RPS6KC1: variants seen among roughly 807,000 people sequenced by gnomAD.
The protein encoded by RPS6KC1 is inactive ribosomal protein S6 kinase delta-1.
In RPS6KC1, 54 loss-of-function variants were observed where a neutral mutation model predicts 103.8. The observed-to-expected ratio is 0.52, with a 90% CI of 0.42 to 0.65. The LOEUF (loss-of-function observed/expected upper bound fraction) is 0.65. Among genes scored for constraint, RPS6KC1 ranks in the 30% least tolerant of loss-of-function variants. The pLI is 0.00. For missense variants in RPS6KC1, 1,151 were observed against 1,253.8 expected (o/e 0.92, Z 1.24); for synonymous variants, 439 against 438.7 (o/e 1.00, Z -0.01).
chr1:213,591,766 G>A, the RPS6KC1 span, among the ~76,000 whole-genome samples: 4 of 152,208 alleles, frequency 2.6e-5, no homozygotes, highest in African/African-American at 9.6e-5. Flanking sequence ...GGTCTAGGGA[G>A]AGGGAGAAGT....
the RPS6KC1 span, among the ~76,000 whole-genome samples, chr1:213,701,050 T>G: frequency 6.6e-6 from 1 of 152,088 alleles, no homozygotes; most frequent in South Asian, 2.1e-4. Context: ...CCTTATTTCA[T>G]TCTCTTGTCT....
At chr1:213,521,687 A>G in the RPS6KC1 span, among the ~76,000 whole-genome samples, 9 of 152,350 alleles carry the variant, frequency 5.9e-5, no homozygotes, top group East Asian at 1.3e-3. Flanking sequence ...TATTTCAACA[A>G]TGTTCACACC....
chr1:213,167,010 T>C (rs189024452), intron 6 of RPS6KC1, among the ~76,000 whole-genome samples: 3 of 152,358 alleles, frequency 2.0e-5, no homozygotes, highest in African/African-American at 4.8e-5. Flanking sequence ...TGTTGGCAGT[T>C]CCTACTCCTC....
At chr1:213,613,706 C>T in the RPS6KC1 span, among the ~76,000 whole-genome samples, 8 of 152,326 alleles carry the variant, frequency 5.3e-5, no homozygotes, top group South Asian at 1.7e-3. Context: ...CACGTGACCA[C>T]AGTGCTTCAG....
chr1:213,782,392 C>T, the RPS6KC1 span, among the ~76,000 whole-genome samples: 1 of 152,142 alleles, frequency 6.6e-6, no homozygotes, highest in African/African-American at 2.4e-5. Flanking sequence ...TCAGTTGCCT[C>T]TGTTAACCTG....
rs1457632832 is a variant in RPS6KC1, at chr1:213,152,158, C to T, written c.836-15700C>T. On this transcript the variant is annotated intron_variant, in intron 6 of 14. Transcript: ENST00000366960. ...GCAGAGGCGCCCCTCACCTCCTGGA[C>T]GGGGCAGCTGGCCGGGCGGGGGGCT... 8.8e-5 allele frequency among the ~76,000 whole-genome samples: 12 copies of T among 136,558 alleles called. 1 individual carries two copies. Among genetic ancestry groups the T allele is most frequent in the East Asian group, 7.2e-4 (3 of 4,164 alleles). The allele number at this position is 136,558 out of a possible 152,430, so 89.6% of individuals were successfully genotyped here.
At chr1:213,353,724 C>T in the RPS6KC1 span, among the ~76,000 whole-genome samples, 4 of 152,036 alleles carry the variant, frequency 2.6e-5, no homozygotes, top group Non-Finnish European at 2.9e-5. Context: ...ATGAGTCAGG[C>T]GTATGTATTA....
At chr1:213,623,547 C>T in the RPS6KC1 span, among the ~76,000 whole-genome samples, 1 of 152,020 alleles carries the variant, frequency 6.6e-6, no homozygotes, top group South Asian at 2.1e-4. Context: ...ATAGATAAGA[C>T]CAGGCAAACT....
chr1:213,629,461 T>A, the RPS6KC1 span, among the ~76,000 whole-genome samples: 1 of 152,340 alleles, frequency 6.6e-6, no homozygotes, highest in Middle Eastern at 3.4e-3. Context: ...TCCCTTTATT[T>A]TGAGCCTATG....
At chr1:213,762,196 C>A in the RPS6KC1 span, among the ~76,000 whole-genome samples, 2 of 152,162 alleles carry the variant, frequency 1.3e-5, no homozygotes, top group East Asian at 3.9e-4. Context: ...CTCTGCCTAG[C>A]GTGCTTTTCA....
At chr1:213,437,455 G>T in the RPS6KC1 span, among the ~76,000 whole-genome samples, 1 of 151,960 alleles carries the variant, frequency 6.6e-6, no homozygotes, top group Non-Finnish European at 1.5e-5. Context: ...ATAACCGCTT[G>T]TTTTTTTACT....
At chr1:213,628,830 T>A in the RPS6KC1 span, among the ~76,000 whole-genome samples, 1 of 152,202 alleles carries the variant, frequency 6.6e-6, no homozygotes, top group Non-Finnish European at 1.5e-5. Context: ...CTGCCTTCAT[T>A]TCGTTATGTA....
chr1:213,223,863 C>CAGTT (rs2093896686), intron 8 of RPS6KC1, among the ~76,000 whole-genome samples: 1 of 152,030 alleles, frequency 6.6e-6, no homozygotes. Context: ...TTCTGGAGTC[C>CAGTT]CATGAAGTAA....
At chr1:213,659,283 G>A in the RPS6KC1 span, among the ~76,000 whole-genome samples, 1 of 152,092 alleles carries the variant, frequency 6.6e-6, no homozygotes, top group African/African-American at 2.4e-5. Context: ...TATTCTTATA[G>A]GGAGGAAGGG....
chr1:213,833,832 C>A, the RPS6KC1 span, among the ~76,000 whole-genome samples: 9 of 152,120 alleles, frequency 5.9e-5, no homozygotes, highest in African/African-American at 2.2e-4. Context: ...TGGCCCACTA[C>A]CATGTGGGTG....
chr1:213,736,559 G>A, the RPS6KC1 span, among the ~76,000 whole-genome samples: 3 of 152,158 alleles, frequency 2.0e-5, no homozygotes, highest in Non-Finnish European at 2.9e-5. Flanking sequence ...GCCATCATCT[G>A]TGTCATCTTC....
chr1:213,636,928 AC>A, the RPS6KC1 span, among the ~76,000 whole-genome samples: 9 of 152,290 alleles, frequency 5.9e-5, no homozygotes, highest in East Asian at 1.9e-4. Flanking sequence ...AAGAAAAAAA[AC>A]AACCCCATCA....
intron 1 of RPS6KC1, among the ~76,000 whole-genome samples, chr1:213,061,773 A>G (rs2077863953): frequency 6.6e-6 from 1 of 152,190 alleles, no homozygotes; most frequent in South Asian, 2.1e-4. Flanking sequence ...ATTTCTGCAT[A>G]TTATTCCTGT....
At chr1:213,583,832 A>G in the RPS6KC1 span, among the ~76,000 whole-genome samples, 2 of 144,972 alleles carry the variant, frequency 1.4e-5, no homozygotes, top group South Asian at 2.1e-4. Flanking sequence ...AAAAAAAAAA[A>G]AAAAAAGAAA....
Sources: allele counts gnomAD v4.1 joint callset (sites outside exome capture counted in the v4.1 genomes callset), GRCh38; gene constraint gnomAD v4.1.1; transcripts MANE v1.5; gene names NCBI Gene and HGNC (gene_info 2026-07-23, HGNC 2026-07-21).